Variants in ERC2 observed in about 807,000 individuals in gnomAD.
The protein encoded by ERC2 is ERC protein 2.
Under a neutral mutation model 114.8 loss-of-function variants are expected in ERC2, and 42 were observed. The observed-to-expected ratio is 0.37, with a 90% CI of 0.29 to 0.47. The LOEUF (loss-of-function observed/expected upper bound fraction) is 0.47, where lower values mean the gene tolerates loss of function less well. Ranked by LOEUF, ERC2 falls within the 20% of genes least tolerant of loss-of-function variation. The pLI is 0.99. For missense variants in ERC2, 939 were observed against 1,150.7 expected, an observed-to-expected ratio of 0.82 and a Z score of 2.66; for synonymous variants, 454 against 425.5, an observed-to-expected ratio of 1.07 and a Z score of -0.82.
rs1037979594 is a variant in ERC2, at chr3:55,509,121, G to T, written c.*2195C>A. ...GACTAAATTATACGACCTCATAAAG[G>T]TAAGATCAGTAATATTTTAACCAAT... On this transcript the variant is annotated 3_prime_UTR_variant, in exon 18 of 18. Transcript: ENST00000288221. 6.6e-5 allele frequency: 10 copies of T among 152,602 alleles called. No individual in the cohort carries two copies. The highest frequency in any genetic ancestry group is 1.4e-4 in the African/African-American group (6 of 41,442). The allele number at this position is 152,602 out of a possible 1,614,324, so 9.5% of individuals were successfully genotyped here.
rs149805867 is a variant in ERC2, at chr3:55,808,357, C to T, written c.2565-73439G>A. On this transcript the variant is annotated intron_variant, in intron 14 of 17. Transcript: ENST00000288221. Reference sequence around the variant, plus strand: ...TGGGAAAGTAGGAATGCAAAAGTATCCCAGGCAGATCTTTTTCCAAAAGAG... The same window carrying T: ...TGGGAAAGTAGGAATGCAAAAGTATTCCAGGCAGATCTTTTTCCAAAAGAG... Among the ~76,000 whole-genome samples, 260 of 152,206 alleles carry T rather than the reference C, an allele frequency of 1.7e-3. 3 individuals are homozygous for T. The highest frequency in any genetic ancestry group is 5.7e-3 in the African/African-American group (238 of 41,520).
chr3:56,172,097 T>G (rs1019285418), intron 4 of ERC2, among the ~76,000 whole-genome samples: 1 of 151,530 alleles, frequency 6.6e-6, no homozygotes, highest in African/African-American at 2.4e-5. Flanking sequence ...GAGGATAAAC[T>G]CTGAATTATG....
intron 14 of ERC2, among the ~76,000 whole-genome samples, chr3:55,857,751 G>A (rs1302953165): frequency 1.3e-5 from 2 of 152,186 alleles, no homozygotes; most frequent in Non-Finnish European, 2.9e-5. Context: ...GGTGGAAAAA[G>A]AGATGTCTGG....
intron 2 of ERC2, among the ~76,000 whole-genome samples, chr3:56,311,280 TATATATATATAC>T (rs1560571409): frequency 3.5e-4 from 48 of 135,670 alleles, no homozygotes; most frequent in Admixed American, 4.5e-4. Flanking sequence ...TATATATATA[TATATATATATAC>T]ACACATATAT....
chr3:55,518,071 C>T (rs627164), intron 17 of ERC2, among the ~76,000 whole-genome samples: 50,530 of 151,828 alleles, frequency 0.33, 9,865 homozygotes, highest in African/African-American at 0.54. Context: ...GCATGCCAAG[C>T]CACTGCCCAC....
At chr3:56,270,447 G>A (rs1163089623) in intron 3 of ERC2, among the ~76,000 whole-genome samples, 24 of 152,120 alleles carry the variant, frequency 1.6e-4, no homozygotes, top group Admixed American at 1.1e-3. Context: ...AGGAAGGATA[G>A]CCCATATTTA....
chr3:56,338,541 C>T (rs958188191), intron 2 of ERC2, among the ~76,000 whole-genome samples: 16 of 152,238 alleles, frequency 1.1e-4, no homozygotes, highest in Non-Finnish European at 4.4e-5. Flanking sequence ...CCATCCCAGT[C>T]TCAAGGGATA....
chr3:56,332,473 C>G (rs113708791), intron 2 of ERC2, among the ~76,000 whole-genome samples: 2 of 152,162 alleles, frequency 1.3e-5, no homozygotes, highest in African/African-American at 4.8e-5. Context: ...TAAAGTAATA[C>G]GCCCAACAAC....
At chr3:56,076,164 T>A (rs1229113947) in intron 7 of ERC2, among the ~76,000 whole-genome samples, 1 of 152,150 alleles carries the variant, frequency 6.6e-6, no homozygotes, top group Non-Finnish European at 1.5e-5. Flanking sequence ...TCCAGAGAGA[T>A]CGCCATCTGT....
intron 17 of ERC2, among the ~76,000 whole-genome samples, chr3:55,654,712 GAGA>G (rs2060782741): frequency 6.6e-6 from 1 of 152,234 alleles, no homozygotes; most frequent in Non-Finnish European, 1.5e-5. Flanking sequence ...GCTTTGGCAC[GAGA>G]AGGAGACCGG....
chr3:56,378,481 T>G (rs1167086101), intron 2 of ERC2, among the ~76,000 whole-genome samples: 4 of 129,632 alleles, frequency 3.1e-5, no homozygotes, highest in Admixed American at 7.8e-5. Context: ...ACATGACGAG[T>G]TGGTGGGTGC....
At position 55,920,446 on chromosome 3, in the gene ERC2, A is replaced by ACACACACC. The variant is rs57638674; in HGVS notation, c.2403+29978_2403+29979insGGTGTGTG. ...CACACACACACACACACACACACAC[A>ACACACACC]CCCCAAGTGAGAAGGATATTGCTAA... On this transcript the variant is annotated intron_variant, in intron 13 of 17. Transcript: ENST00000288221. Among the ~76,000 whole-genome samples the ACACACACC allele has an allele frequency of 1.9e-3, 276 of 145,534 alleles. 2 individuals are homozygous for ACACACACC. In the East Asian group the frequency reaches 0.019, roughly 10 times the overall value.
intron 17 of ERC2, among the ~76,000 whole-genome samples, chr3:55,638,458 G>T (rs945041028): frequency 2.0e-5 from 3 of 152,146 alleles, no homozygotes; most frequent in Non-Finnish European, 4.4e-5. Context: ...GCATAGCTTT[G>T]GCATTACGTC....
At chr3:56,197,590 A>C (rs965781513) in intron 3 of ERC2, among the ~76,000 whole-genome samples, 3 of 152,226 alleles carry the variant, frequency 2.0e-5, no homozygotes, top group Admixed American at 2.0e-4. Flanking sequence ...CACACATTTA[A>C]TAGAAACTAA....
intron 8 of ERC2, among the ~76,000 whole-genome samples, chr3:56,017,380 G>C (rs754277112): frequency 6.6e-6 from 1 of 152,082 alleles, no homozygotes; most frequent in Non-Finnish European, 1.5e-5. Context: ...TTGCCTAAAG[G>C]ATTTTATTCA....
At chr3:56,049,423 G>A (rs2075649136) in intron 7 of ERC2, among the ~76,000 whole-genome samples, 1 of 152,216 alleles carries the variant, frequency 6.6e-6, no homozygotes, top group Non-Finnish European at 1.5e-5. Context: ...TACTGATACT[G>A]TGAAGGTTAA....
intron 4 of ERC2, among the ~76,000 whole-genome samples, chr3:56,161,919 T>C (rs1014682471): frequency 6.6e-6 from 1 of 152,170 alleles, no homozygotes; most frequent in Admixed American, 6.6e-5. Flanking sequence ...TCCAGTACTA[T>C]GTTGAATACG....
At chr3:55,524,209 A>T (rs968578328) in intron 17 of ERC2, among the ~76,000 whole-genome samples, 1 of 152,234 alleles carries the variant, frequency 6.6e-6, no homozygotes, top group Non-Finnish European at 1.5e-5. Flanking sequence ...AGAGCTGGGC[A>T]ATAGGACCAG....
intron 17 of ERC2, among the ~76,000 whole-genome samples, chr3:55,533,594 G>A (rs2053805334): frequency 6.6e-6 from 1 of 152,232 alleles, no homozygotes; most frequent in Non-Finnish European, 1.5e-5. Flanking sequence ...AAGAGAGGAG[G>A]TGAGAAAGGA....
Sources: gnomAD v4.1 joint callset for allele counts (sites outside exome capture counted in the v4.1 genomes callset) on GRCh38, gnomAD v4.1.1 for gene constraint, MANE v1.5 for transcripts, NCBI Gene and HGNC (gene_info 2026-07-23, HGNC 2026-07-21) for gene names.